SCAMP5: variants seen among roughly 807,000 people sequenced by gnomAD.
SCAMP5 encodes the protein secretory carrier membrane protein 5.
A neutral mutation model predicts 28.3 loss-of-function variants in SCAMP5; 7 were observed. The observed-to-expected ratio is 0.25, with a 90% CI of 0.14 to 0.46. The LOEUF is 0.46. SCAMP5 is among the 20% of genes least tolerant of loss of function. The pLI, the probability that SCAMP5 is intolerant of heterozygous loss-of-function variation, is 0.99. For missense variants in SCAMP5, 192 were observed against 312.5 expected (o/e 0.61, Z 2.91); for synonymous variants, 117 against 116.4 (o/e 1.00, Z -0.03).
rs373870841 is a variant in SCAMP5, at chr15:75,017,922, T to C, written c.346T>C (p.Leu116=). 1.4e-4 allele frequency: 232 copies of C among 1,613,868 alleles called. 1 individual carries two copies. The African/African-American group carries it at 2.9e-3, about 20-fold the overall frequency. ...MAFFFTFMAQ[L]VISIIQAVGI... ...ATTCTTCTTTACCTTCATGGCTCAG[T>C]TGGTCATCAGCATCATCCAGGCCGT... Residue 116 remains leucine (L), a synonymous_variant, in exon 5 of 7, where the codon TTG becomes CTG. Coordinates refer to ENST00000425597, the MANE Select transcript of SCAMP5 (RefSeq NM_138967.4).
intron 1 of SCAMP5, among the ~76,000 whole-genome samples, chr15:75,006,581 A>G (rs773547029): frequency 1.3e-5 from 2 of 152,034 alleles, no homozygotes; most frequent in African/African-American, 2.4e-5. Context: ...AGGTCAAGAG[A>G]TCGAGACTAT....
chr15:75,005,403 C>G (rs1333135867), intron 1 of SCAMP5, among the ~76,000 whole-genome samples: 1 of 150,856 alleles, frequency 6.6e-6, no homozygotes, highest in Admixed American at 6.6e-5. Flanking sequence ...GAGGTTGCGG[C>G]GAGCCACGAT....
At chr15:75,010,865 C>T (rs1213695182) in intron 1 of SCAMP5, among the ~76,000 whole-genome samples, 2 of 152,026 alleles carry the variant, frequency 1.3e-5, no homozygotes, top group South Asian at 2.1e-4. Flanking sequence ...CTGTTTTGCC[C>T]GGGGAACTCC....
At chr15:75,017,650 A>T (rs1043929678) in intron 4 of SCAMP5, 2 of 605,368 alleles carry the variant, frequency 3.3e-6, no homozygotes, top group East Asian at 5.5e-5. Context: ...TGGTCTGTTC[A>T]TGGGAAATCC....
intron 1 of SCAMP5, among the ~76,000 whole-genome samples, chr15:75,003,589 C>T (rs972687092): frequency 3.9e-4 from 59 of 152,220 alleles, no homozygotes; most frequent in African/African-American, 1.2e-3. Context: ...GCGGGTAGAT[C>T]GCTTGAGCCC....
intron 1 of SCAMP5, among the ~76,000 whole-genome samples, chr15:74,997,598 A>C (rs965956032): frequency 6.6e-6 from 1 of 152,142 alleles, no homozygotes; most frequent in Non-Finnish European, 1.5e-5. Context: ...AGGTAGCAGG[A>C]CTTAGAGGAG....
intron 4 of SCAMP5, 107 bp downstream of exon 4, chr15:75,016,856 A>T (rs1229025782): frequency 2.9e-6 from 3 of 1,039,006 alleles, no homozygotes; most frequent in Non-Finnish European, 4.1e-6. Flanking sequence ...CCCTCCCCCA[A>T]ACTCACTTTC....
At chr15:75,006,477 A>T (rs112398588) in intron 1 of SCAMP5, among the ~76,000 whole-genome samples, 2 of 149,520 alleles carry the variant, frequency 1.3e-5, no homozygotes, top group Admixed American at 6.6e-5. Context: ...ACATGGTGAA[A>T]CCCTGTCTCT....
intron 1 of SCAMP5, among the ~76,000 whole-genome samples, chr15:75,010,247 C>T (rs2065798751): frequency 6.6e-6 from 1 of 152,114 alleles, no homozygotes; most frequent in Admixed American, 6.5e-5. Context: ...CCAGGTGTCC[C>T]CCAGCGTCTC....
chr15:75,009,560 T>G (rs2065792830), intron 1 of SCAMP5, among the ~76,000 whole-genome samples: 1 of 151,658 alleles, frequency 6.6e-6, no homozygotes, highest in South Asian at 2.1e-4. Context: ...CACTGCAGCC[T>G]CTACCTCCTG....
chr15:75,005,981 C>CTT (rs527501720), intron 1 of SCAMP5, among the ~76,000 whole-genome samples: 5,747 of 80,572 alleles, frequency 0.071, 351 homozygotes, highest in East Asian at 0.25. Context: ...CTCGGCCTCC[C>CTT]TTTTTTTTTT....
At chr15:75,000,427 C>T (rs755148239) in intron 1 of SCAMP5, among the ~76,000 whole-genome samples, 72 of 152,172 alleles carry the variant, frequency 4.7e-4, no homozygotes, top group Non-Finnish European at 7.9e-4. Context: ...TTCTGTCCCC[C>T]AGGCTGGAGT....
intron 4 of SCAMP5, 39 bp from the exon 5 acceptor site, chr15:75,017,831 C>T: frequency 1.5e-6 from 2 of 1,357,500 alleles, no homozygotes; most frequent in Non-Finnish European, 2.1e-6. Context: ...AAGCCCTGGC[C>T]CTCTGCCCAG....
chr15:75,004,592 TG>T (rs2141431851), intron 1 of SCAMP5, among the ~76,000 whole-genome samples: 1 of 152,172 alleles, frequency 6.6e-6, no homozygotes, highest in Admixed American at 6.5e-5. Context: ...TAGCTGGGCA[TG>T]ATGGCACACA....
At chr15:75,005,460 CAAAAAAA>C (rs762990882) in intron 1 of SCAMP5, among the ~76,000 whole-genome samples, 2 of 97,876 alleles carry the variant, frequency 2.0e-5, no homozygotes, top group African/African-American at 3.8e-5. Context: ...AACTCCGTTT[CAAAAAAA>C]AAAAAAAAAA....
rs2065790407 is a variant in SCAMP5, at chr15:75,009,439, G to GC, written c.-48-2353_-48-2352insC. On this transcript the variant is annotated intron_variant, in intron 1 of 6. Transcript: ENST00000425597. ...GAAGAATTTGACTGGAATGCTAGAA[G>GC]TTTGTGTGTGTGTGTGTGTGTGTGT... Among the ~76,000 whole-genome samples, 14 of 130,268 alleles carry GC rather than the reference G, an allele frequency of 1.1e-4. No homozygotes were observed. In the Admixed American group the frequency reaches 1.2e-3, roughly 11 times the overall value. 85.5% of individuals were successfully genotyped at this position (130,268 alleles called of 152,430 possible).
At chr15:74,999,973 AC>A (rs1035942578) in intron 1 of SCAMP5, among the ~76,000 whole-genome samples, 1 of 152,156 alleles carries the variant, frequency 6.6e-6, no homozygotes, top group Non-Finnish European at 1.5e-5. Context: ...GTGGAAAAAA[AC>A]AGGTTATAAA....
At chr15:75,004,484 C>G (rs184432017) in intron 1 of SCAMP5, among the ~76,000 whole-genome samples, 46 of 152,218 alleles carry the variant, frequency 3.0e-4, no homozygotes, top group African/African-American at 1.1e-3. Flanking sequence ...AATCCCAGCA[C>G]TTTGGGAGGC....
chr15:75,006,623 T>TA (rs963043256), intron 1 of SCAMP5, among the ~76,000 whole-genome samples: 5 of 151,894 alleles, frequency 3.3e-5, no homozygotes, highest in Non-Finnish European at 7.4e-5. Context: ...CCGTTTCTAC[T>TA]AAAAAAATAC....
Sources: gnomAD v4.1 joint callset for allele counts (sites outside exome capture counted in the v4.1 genomes callset) on GRCh38, gnomAD v4.1.1 for gene constraint, MANE v1.5 for transcripts, NCBI Gene and HGNC (gene_info 2026-07-23, HGNC 2026-07-21) for gene names.